SWI5: variants seen among roughly 807,000 people sequenced by gnomAD.
The protein encoded by SWI5 is DNA repair protein SWI5 homolog.
In SWI5, 12 loss-of-function variants were observed where a neutral mutation model predicts 17.0. The observed-to-expected ratio is 0.71, with a 90% CI of 0.45 to 1.14. The LOEUF (loss-of-function observed/expected upper bound fraction) is 1.14, where lower values mean the gene tolerates loss of function less well. SWI5 is among the 50% of genes most tolerant of loss of function. The probability of loss-of-function intolerance (pLI) is 0.00; values close to 1 mark genes in which losing one functional copy is unlikely to be tolerated. For synonymous variants in SWI5, 61 were observed against 64.0 expected (o/e 0.95, Z 0.22); for missense variants, 158 against 162.2 (o/e 0.97, Z 0.14).
chr9:128,278,383 A>G (rs534546703), intron 2 of SWI5, among the ~76,000 whole-genome samples: 3 of 152,268 alleles, frequency 2.0e-5, no homozygotes, highest in Non-Finnish European at 2.9e-5. Flanking sequence ...TCTGCCCAAC[A>G]TGGTGAAGCC....
intron 2 of SWI5, among the ~76,000 whole-genome samples, chr9:128,280,621 G>A (rs1831520050): frequency 6.6e-6 from 1 of 151,674 alleles, no homozygotes; most frequent in African/African-American, 2.4e-5. Context: ...GGGTTCAAGC[G>A]ATTCGCCTAC....
chr9:128,288,975 G>A lies in SWI5; in HGVS notation c.*259G>A, dbSNP rs2286816. The stretch of plus-strand genomic sequence containing the variant: ...ACATGTACTTTATTTGTCAATAAAC[G>A]TATCTGTACACTGATTCCCTCTTCT... On this transcript the variant is annotated 3_prime_UTR_variant, in exon 5 of 5. Transcript: ENST00000418976. 4,346 of 540,346 alleles carry A rather than the reference G, an allele frequency of 8.0e-3. 211 individuals are homozygous for A. In the East Asian group the frequency reaches 0.11, roughly 14 times the overall value. The allele number at this position is 540,346 out of a possible 1,614,324, so 33.5% of individuals were successfully genotyped here. A position where few individuals can be genotyped will look rare whatever the true frequency, so the allele number is the denominator to read the frequency against.
At chr9:128,284,412 A>G in intron 2 of SWI5, 98 bp from the exon 3 acceptor site, 3 of 1,466,528 alleles carry the variant, frequency 2.0e-6, no homozygotes, top group Non-Finnish European at 2.7e-6. Context: ...TAGGGTGCCT[A>G]TTAGCAAGCA....
intron 2 of SWI5, among the ~76,000 whole-genome samples, chr9:128,277,322 C>T (rs190305375): frequency 1.3e-5 from 2 of 152,140 alleles, no homozygotes; most frequent in Non-Finnish European, 1.5e-5. Flanking sequence ...GAGGCTGAGG[C>T]GGGCAGATCA....
chr9:128,278,274 A>G (rs907108780), intron 2 of SWI5, among the ~76,000 whole-genome samples: 18 of 151,576 alleles, frequency 1.2e-4, no homozygotes, highest in African/African-American at 4.1e-4. Flanking sequence ...TTCCATTTTT[A>G]AAAACAACGC....
chr9:128,284,468 G>T, intron 2 of SWI5, 42 bp from the exon 3 acceptor site: 1 of 1,602,028 alleles, frequency 6.2e-7, no homozygotes, highest in Non-Finnish European at 8.5e-7. Flanking sequence ...GTGAATTGTG[G>T]ATAACTGGTC....
At chr9:128,278,073 G>A (rs1831467214) in intron 2 of SWI5, among the ~76,000 whole-genome samples, 1 of 149,888 alleles carries the variant, frequency 6.7e-6, no homozygotes, top group Admixed American at 6.7e-5. Context: ...TTGCCTCAGC[G>A]TCCCAAATAG....
At chr9:128,280,409 TC>T (rs1218192670) in intron 2 of SWI5, among the ~76,000 whole-genome samples, 1 of 150,452 alleles carries the variant, frequency 6.6e-6, no homozygotes, top group Non-Finnish European at 1.5e-5. Context: ...AACCAACTCC[TC>T]CAACTGCCCT....
At chr9:128,276,148 G>T (rs776504579), upstream of SWI5, 1 of 1,567,524 alleles carries the variant, frequency 6.4e-7, no homozygotes, top group Non-Finnish European at 8.6e-7. Context: ...GCGTGGCTAT[G>T]CAGCGGCGTG....
chr9:128,279,977 A>T (rs1265248166), intron 2 of SWI5, among the ~76,000 whole-genome samples: 1 of 152,188 alleles, frequency 6.6e-6, no homozygotes, highest in Non-Finnish European at 1.5e-5. Flanking sequence ...CTTGCCGGTT[A>T]TTCTTAGGTT....
At chr9:128,286,376 G>T in intron 4 of SWI5, 1 of 241,248 alleles carries the variant, frequency 4.1e-6, no homozygotes, top group East Asian at 8.5e-5. Flanking sequence ...TGCTAAAGAG[G>T]CTGCAAGTGC....
intron 2 of SWI5, among the ~76,000 whole-genome samples, chr9:128,283,757 C>T (rs907247725): frequency 2.6e-5 from 4 of 152,192 alleles, no homozygotes; most frequent in Admixed American, 6.5e-5. Flanking sequence ...TCAGCTCCAG[C>T]ACTGCATCCA....
At position 128,288,833 on chromosome 9, in the gene SWI5, C is replaced by A. The variant is rs1174769873; in HGVS notation, c.*117C>A. On this transcript the variant is annotated 3_prime_UTR_variant, in exon 5 of 5. Transcript: ENST00000418976. ...TTCCAGCGAGACAATGCCAGAAGCA[C>A]TTTTCTAGAGAGCCCAAGCCCAATC... The A allele has an allele frequency of 4.1e-6, 5 of 1,221,616 alleles. No individual in the cohort carries two copies. In the African/African-American group the frequency reaches 7.4e-5, roughly 18 times the overall value. The allele number at this position is 1,221,616 out of a possible 1,614,324, so 75.7% of individuals were successfully genotyped here.
intron 2 of SWI5, among the ~76,000 whole-genome samples, chr9:128,277,583 A>G (rs899978345): frequency 2.6e-5 from 4 of 152,286 alleles, no homozygotes; most frequent in South Asian, 4.2e-4. Context: ...ATCGGGAAAG[A>G]CTTGGTATTT....
intron 4 of SWI5, among the ~76,000 whole-genome samples, chr9:128,287,973 T>C (rs562197728): frequency 6.6e-6 from 1 of 152,220 alleles, no homozygotes; most frequent in African/African-American, 2.4e-5. Flanking sequence ...CTTGCTCTCA[T>C]GTGGTTTGTT....
upstream of SWI5, chr9:128,275,588 C>T: frequency 4.9e-6 from 5 of 1,014,454 alleles, no homozygotes; most frequent in Non-Finnish European, 6.7e-6. Flanking sequence ...GTCCTAGGTC[C>T]TTGGAGACGC....
chr9:128,286,925 C>G (rs1831649283), intron 4 of SWI5, among the ~76,000 whole-genome samples: 1 of 151,658 alleles, frequency 6.6e-6, no homozygotes, highest in African/African-American at 2.4e-5. Context: ...GTAAGTGGAT[C>G]ACCTGAGGTT....
exon 1 of SWI5, chr9:128,276,325 C>T (rs752635793): frequency 1.2e-6 from 2 of 1,613,072 alleles, no homozygotes; most frequent in African/African-American, 1.3e-5. Flanking sequence ...TGAGAGGTCG[C>T]TCTCCGACTC....
At chr9:128,275,966 T>C, upstream of SWI5, 1 of 1,594,700 alleles carries the variant, frequency 6.3e-7, no homozygotes, top group Non-Finnish European at 8.5e-7. Flanking sequence ...GAGGCGGGGT[T>C]GGGGCCACAT....
Sources: gnomAD v4.1 joint callset for allele counts (sites outside exome capture counted in the v4.1 genomes callset) on GRCh38, gnomAD v4.1.1 for gene constraint, MANE v1.5 for transcripts, NCBI Gene and HGNC (gene_info 2026-07-23, HGNC 2026-07-21) for gene names.